WDR20: variants seen among roughly 807,000 people sequenced by gnomAD.
WDR20 encodes the protein WD repeat domain 20.
A neutral mutation model predicts 38.7 loss-of-function variants in WDR20; 3 were observed. The ratio of observed to expected loss-of-function variants is 0.08; its 90% CI spans 0.04 to 0.20. The LOEUF (loss-of-function observed/expected upper bound fraction) is 0.20, where lower values mean the gene tolerates loss of function less well. WDR20 is among the 10% of genes least tolerant of loss of function. The pLI, the probability that WDR20 is intolerant of heterozygous loss-of-function variation, is 1.00. For synonymous variants in WDR20, 298 were observed against 285.6 expected (o/e 1.04, Z -0.44); for missense variants, 559 against 727.7 (o/e 0.77, Z 2.67).
chr14:102,195,823 A>C (rs2059320395), intron 2 of WDR20: 1 of 152,242 alleles, frequency 6.6e-6, no homozygotes, highest in Non-Finnish European at 1.5e-5. Context: ...AGCATCTTTC[A>C]GCCTCAAGTA....
chr14:102,174,051 A>T (rs903880200), intron 1 of WDR20, among the ~76,000 whole-genome samples: 2 of 152,004 alleles, frequency 1.3e-5, no homozygotes, highest in East Asian at 1.9e-4. Context: ...CTCAAAAAAA[A>T]AAAAAAAAGA....
At chr14:102,152,179 G>A (rs2056126548) in intron 1 of WDR20, among the ~76,000 whole-genome samples, 1 of 152,034 alleles carries the variant, frequency 6.6e-6, no homozygotes, top group Non-Finnish European at 1.5e-5. Context: ...GCCTCCCACA[G>A]TGGTAGGATT....
downstream of WDR20, among the ~76,000 whole-genome samples, chr14:102,215,710 A>C (rs1029468770): frequency 9.9e-5 from 15 of 152,146 alleles, no homozygotes; most frequent in African/African-American, 3.6e-4. Flanking sequence ...GTGTTTGCTT[A>C]AGGCTTTGTG....
chr14:102,145,197 G>A (rs1679783557), intron 1 of WDR20, among the ~76,000 whole-genome samples: 1 of 152,206 alleles, frequency 6.6e-6, no homozygotes, highest in African/African-American at 2.4e-5. Flanking sequence ...GTAAAGCCAT[G>A]TCTGTCTATA....
In WDR20 at chr14:102,221,298, G is replaced by A. The variant is rs898484974; in HGVS notation, c.1693-1532G>A. ...GACTTTTCTGTTGCCGGGGGGAAGG[G>A]AGGTGCCTCCTGGTTCTGGAGATTT... On this transcript the variant is annotated intron_variant, in intron 3 of 3. Coordinates refer to the WDR20 transcript ENST00000335263. The surrounding 1 kb of genome is among the most constrained non-coding windows in gnomAD (Gnocchi z 4.8). Among the ~76,000 whole-genome samples, 1 of 152,222 alleles carries A rather than the reference G, an allele frequency of 6.6e-6. No individual in the cohort carries two copies. The highest frequency in any genetic ancestry group is 1.5e-5 in the Non-Finnish European group (1 of 68,046).
intron 2 of WDR20, chr14:102,195,987 G>A (rs934309984): frequency 1.3e-5 from 2 of 152,204 alleles, no homozygotes; most frequent in Non-Finnish European, 2.9e-5. Context: ...GGCTATGTGG[G>A]ACCCCCTCCC....
intron 2 of WDR20, among the ~76,000 whole-genome samples, chr14:102,204,534 A>G (rs1321320923): frequency 6.6e-6 from 1 of 152,180 alleles, no homozygotes; most frequent in Non-Finnish European, 1.5e-5. Flanking sequence ...TTTATATTGT[A>G]TCAGTGCCTG....
At chr14:102,163,753 G>A (rs2059229172) in intron 1 of WDR20, among the ~76,000 whole-genome samples, 1 of 151,710 alleles carries the variant, frequency 6.6e-6, no homozygotes, top group Admixed American at 6.6e-5. Context: ...CCAGAAGGAA[G>A]CTTTACATAG....
At chr14:102,200,465 T>TGGGGTGTG (rs1555400497) in intron 2 of WDR20, among the ~76,000 whole-genome samples, 9 of 98,686 alleles carry the variant, frequency 9.1e-5, no homozygotes, top group African/African-American at 4.8e-4. Context: ...AAATTTTTTT[T>TGGGGTGTG]TTTGTGTGTG....
downstream of WDR20, among the ~76,000 whole-genome samples, chr14:102,216,994 C>A (rs2153051218): frequency 6.6e-6 from 1 of 152,270 alleles, no homozygotes; most frequent in African/African-American, 2.4e-5. Context: ...GGATTCTGAA[C>A]CCAGGGGTCT....
At position 102,205,352 on chromosome 14, in the gene WDR20, C is replaced by T. The variant is rs113584795; in HGVS notation, c.433-3251C>T. On this transcript the variant is annotated intron_variant, in intron 2 of 2. Transcript: ENST00000342702. ...TATGAAAAAGAAGAGTGGATAAATG[C>T]GTATTCATATTTGCCTTGTACATGC... 8.6e-4 allele frequency among the ~76,000 whole-genome samples: 130 copies of T among 151,954 alleles called. 1 individual carries two copies. Among genetic ancestry groups the T allele is most frequent in the Middle Eastern group, 3.4e-3 (1 of 292 alleles).
At chr14:102,196,405 G>A (rs992414136) in intron 2 of WDR20, among the ~76,000 whole-genome samples, 1 of 152,094 alleles carries the variant, frequency 6.6e-6, no homozygotes, top group Non-Finnish European at 1.5e-5. Context: ...CTAAGTAGCT[G>A]GATGATTATT....
intron 1 of WDR20, chr14:102,193,611 T>C (rs1437409627): frequency 5.0e-6 from 6 of 1,191,388 alleles, no homozygotes; most frequent in Admixed American, 5.3e-5. Context: ...GACTTCTACA[T>C]GTGCAAGGTT....
At chr14:102,201,534 T>G (rs2060377333) in intron 2 of WDR20, among the ~76,000 whole-genome samples, 2 of 152,176 alleles carry the variant, frequency 1.3e-5, no homozygotes, top group South Asian at 4.1e-4. Flanking sequence ...ATGGTAGTGT[T>G]TTCGCTGTTC....
intron 1 of WDR20, among the ~76,000 whole-genome samples, chr14:102,148,684 TG>T (rs2054586129): frequency 6.6e-6 from 1 of 150,754 alleles, no homozygotes; most frequent in East Asian, 2.0e-4. Context: ...TGTGTGTGTG[TG>T]TGTGTGTGTG....
exon 4 of WDR20, chr14:102,223,389 AT>A: frequency 6.5e-6 from 1 of 152,706 alleles, no homozygotes. Context: ...ATTTTAAAAA[AT>A]TGTTTGCACT....
At chr14:102,212,439 C>A, downstream of WDR20, 1 of 1,472,928 alleles carries the variant, frequency 6.8e-7, no homozygotes, top group Non-Finnish European at 9.1e-7. Context: ...CCTGGCTCAG[C>A]CCAGGCTGGC....
downstream of WDR20, chr14:102,210,541 C>G: frequency 2.0e-6 from 2 of 985,384 alleles, no homozygotes; most frequent in Non-Finnish European, 2.4e-6. Flanking sequence ...GTTTGTAGCA[C>G]TTTGATTGAG....
rs572608638 is a variant in WDR20, at chr14:102,207,956, G to A, written c.433-647G>A. ...TCAACACCAGCAGAGAGGGTTTCGA[G>A]GAGATGCTTATGGAGATGCACGTGG... On this transcript the variant is annotated intron_variant, in intron 2 of 2. Transcript: ENST00000342702. The surrounding 1 kb of genome is among the most constrained non-coding windows in gnomAD (Gnocchi z 5.0). 6.6e-6 allele frequency among the ~76,000 whole-genome samples: 1 copy of A among 152,334 alleles called. No individual in the cohort carries two copies. Among genetic ancestry groups the A allele is most frequent in the East Asian group, 1.9e-4 (1 of 5,172 alleles).
Sources: gnomAD v4.1 joint callset for allele counts (sites outside exome capture counted in the v4.1 genomes callset) on GRCh38, gnomAD v4.1.1 for gene constraint, Gnocchi (gnomAD v3.1) non-coding constraint, MANE v1.5 for transcripts, NCBI Gene and HGNC (gene_info 2026-07-23, HGNC 2026-07-21) for gene names.